The following CSMD1 variants were observed in gnomAD, a reference collection of about 807,000 sequenced individuals.
The protein encoded by CSMD1 is CUB and sushi domain-containing protein 1.
Under a neutral mutation model 417.5 loss-of-function variants are expected in CSMD1, and 213 were observed. The ratio of observed to expected loss-of-function variants is 0.51; its 90% CI spans 0.46 to 0.57. CSMD1 has a LOEUF of 0.57. Among genes scored for constraint, CSMD1 ranks in the 20% least tolerant of loss-of-function variants. CSMD1 has a pLI of 0.00. For missense variants in CSMD1, 6,923 were observed against 4,529.7 expected (o/e 1.53, Z -15.17); for synonymous variants, 2,862 against 1,736.8 (o/e 1.65, Z -16.11).
At chr8:3,947,593 A>G (rs1214443158) in intron 5 of CSMD1, among the ~76,000 whole-genome samples, 1 of 152,212 alleles carries the variant, frequency 6.6e-6, no homozygotes, top group Non-Finnish European at 1.5e-5. Flanking sequence ...GTTATATAGA[A>G]GTGTTTTGTT....
chr8:4,143,024 G>C (rs1028734842), intron 3 of CSMD1, among the ~76,000 whole-genome samples: 7 of 150,146 alleles, frequency 4.7e-5, no homozygotes, highest in African/African-American at 1.7e-4. Context: ...TTAGGAACTA[G>C]TGTCCAATTC....
At chr8:4,810,015 T>A (rs1798805565) in intron 1 of CSMD1, among the ~76,000 whole-genome samples, 1 of 152,198 alleles carries the variant, frequency 6.6e-6, no homozygotes, top group African/African-American at 2.4e-5. Flanking sequence ...ATATGCCAAG[T>A]GCTTAGAATG....
intron 2 of CSMD1, among the ~76,000 whole-genome samples, chr8:4,468,635 G>A (rs1296490962): frequency 6.6e-6 from 1 of 152,058 alleles, no homozygotes; most frequent in Non-Finnish European, 1.5e-5. Flanking sequence ...TGTTAAAATG[G>A]TCCATATCCT....
At chr8:3,291,322 G>T (rs191264291) in intron 25 of CSMD1, among the ~76,000 whole-genome samples, 2 of 149,786 alleles carry the variant, frequency 1.3e-5, no homozygotes, top group Admixed American at 6.8e-5. Context: ...TTTGCTTTCA[G>T]GGTGATGCTG....
At chr8:3,156,064 C>A (rs1819509276) in intron 39 of CSMD1, among the ~76,000 whole-genome samples, 1 of 152,164 alleles carries the variant, frequency 6.6e-6, no homozygotes, top group Non-Finnish European at 1.5e-5. Context: ...TTGTGGGTGC[C>A]CACACCACAC....
intron 3 of CSMD1, among the ~76,000 whole-genome samples, chr8:4,132,014 T>A (rs2007357): frequency 0.99 from 150,792 of 152,112 alleles, 74,759 homozygotes; most frequent in Middle Eastern, 1. Flanking sequence ...TCCCTGTGAC[T>A]ATTTCTATCA....
intron 3 of CSMD1, among the ~76,000 whole-genome samples, chr8:4,409,331 A>G (rs897947139): frequency 1.1e-4 from 17 of 152,148 alleles, no homozygotes; most frequent in Non-Finnish European, 4.4e-5. Flanking sequence ...ATCCAAATCT[A>G]TGTCATTCTC....
chr8:3,982,818 G>A (rs547407803), intron 5 of CSMD1, among the ~76,000 whole-genome samples: 1 of 152,174 alleles, frequency 6.6e-6, no homozygotes, highest in Non-Finnish European at 1.5e-5. Flanking sequence ...TCTGAGGGGA[G>A]CACGATGGTC....
chr8:4,329,400 C>T (rs1362222237), intron 3 of CSMD1, among the ~76,000 whole-genome samples: 1 of 152,018 alleles, frequency 6.6e-6, no homozygotes, highest in African/African-American at 2.4e-5. Flanking sequence ...GTGATTCTCC[C>T]ACCGCAGCCT....
At chr8:3,382,502 T>G (rs1485782783) in intron 18 of CSMD1, among the ~76,000 whole-genome samples, 1 of 140,846 alleles carries the variant, frequency 7.1e-6, no homozygotes, top group Non-Finnish European at 1.5e-5. Flanking sequence ...GTTATGTATA[T>G]AAATTTATAT....
At chr8:3,633,552 C>T (rs78199049) in intron 7 of CSMD1, among the ~76,000 whole-genome samples, 5,873 of 152,178 alleles carry the variant, frequency 0.039, 156 homozygotes, top group South Asian at 0.069. Context: ...GGTGCACGCA[C>T]GTCAAAAGTT....
intron 3 of CSMD1, among the ~76,000 whole-genome samples, chr8:4,156,371 T>G (rs1035659604): frequency 6.6e-6 from 1 of 152,158 alleles, no homozygotes; most frequent in East Asian, 1.9e-4. Context: ...CTTAAATGAA[T>G]GCAGAAGCCA....
chr8:4,252,240 C>G (rs1225960504), intron 3 of CSMD1, among the ~76,000 whole-genome samples: 2 of 152,130 alleles, frequency 1.3e-5, no homozygotes, highest in African/African-American at 4.8e-5. Context: ...TTTTCCTTTC[C>G]GTTCCTGGCT....
chr8:3,800,864 G>T lies in CSMD1; in HGVS notation c.819-46822C>A, dbSNP rs914933385. On this transcript the variant is annotated intron_variant, in intron 5 of 69. Coordinates refer to ENST00000635120, the MANE Select transcript of CSMD1 (RefSeq NM_033225.6). ...ACACAGCACAAAAGCCCTCACCAGA[G>T]ACTGGTGCCATGCTTCTGCTATGGC... Among the ~76,000 whole-genome samples, 6 of 151,996 alleles carry T rather than the reference G, an allele frequency of 3.9e-5. No individual in the cohort carries two copies. In the East Asian group the frequency reaches 1.2e-3, roughly 29 times the overall value.
At position 3,600,716 on chromosome 8, in the gene CSMD1, G is replaced by T. The variant is rs150077095; in HGVS notation, c.1098-14456C>A. Among the ~76,000 whole-genome samples, 800 of 151,882 alleles carry T rather than the reference G, an allele frequency of 5.3e-3. 3 individuals are homozygous for T. The highest frequency in any genetic ancestry group is 0.017 in the Middle Eastern group (5 of 294). Reference sequence around the variant, plus strand: ...CTGCAGGGGCGGTAATTTTACTGAGGGATCCAGGCACCCACCTCTATCCCC... The same window carrying T: ...CTGCAGGGGCGGTAATTTTACTGAGTGATCCAGGCACCCACCTCTATCCCC... On this transcript the variant is annotated intron_variant, in intron 8 of 69. Coordinates refer to ENST00000635120, the MANE Select transcript of CSMD1 (RefSeq NM_033225.6).
At chr8:3,051,652 T>C (rs1811824612) in intron 50 of CSMD1, among the ~76,000 whole-genome samples, 2 of 152,236 alleles carry the variant, frequency 1.3e-5, no homozygotes, top group Non-Finnish European at 2.9e-5. Flanking sequence ...AAGACATACA[T>C]GATATATTAA....
chr8:4,927,502 G>T (rs187068587), intron 1 of CSMD1, among the ~76,000 whole-genome samples: 1 of 152,152 alleles, frequency 6.6e-6, no homozygotes, highest in Non-Finnish European at 1.5e-5. Flanking sequence ...TTAGCTCTGC[G>T]ATGCCAGTCC....
In CSMD1 at chr8:4,359,113, G is replaced by C. The variant is rs560384746; in HGVS notation, c.415+60840C>G. Among the ~76,000 whole-genome samples the C allele has an allele frequency of 1.7e-3, 261 of 152,206 alleles. 1 individual carries two copies. The highest frequency in any genetic ancestry group is 6.1e-3 in the African/African-American group (252 of 41,538). On this transcript the variant is annotated intron_variant, in intron 3 of 69. Transcript: ENST00000635120. ...TATATTAATAAATGCAGGAATACTA[G>C]GGTAGAAATTTAGAAGGCAGAGTTG...
intron 3 of CSMD1, among the ~76,000 whole-genome samples, chr8:4,188,327 C>G (rs1035366501): frequency 2.0e-5 from 3 of 152,172 alleles, no homozygotes; most frequent in Non-Finnish European, 2.9e-5. Context: ...GTTTTCTGGA[C>G]CAAATGAAAG....
Sources: gnomAD v4.1 joint callset for allele counts (sites outside exome capture counted in the v4.1 genomes callset) on GRCh38, gnomAD v4.1.1 for gene constraint, MANE v1.5 for transcripts, NCBI Gene and HGNC (gene_info 2026-07-23, HGNC 2026-07-21) for gene names.